The following HSD17B7 variants were observed in gnomAD, a reference collection of about 807,000 sequenced individuals.
The protein encoded by HSD17B7 is 3-keto-steroid reductase/17-beta-hydroxysteroid dehydrogenase 7.
HSD17B7 carries 17 observed loss-of-function variants against 34.1 expected under a neutral mutation model. The observed-to-expected ratio is 0.50, with a 90% CI of 0.34 to 0.75. The LOEUF is 0.75. Ranked by LOEUF, HSD17B7 falls within the 30% of genes least tolerant of loss-of-function variation. The probability of loss-of-function intolerance (pLI) is 0.01; values close to 1 mark genes in which losing one functional copy is unlikely to be tolerated. For synonymous variants in HSD17B7, 122 were observed against 154.6 expected, an observed-to-expected ratio of 0.79 and a Z score of 1.56; for missense variants, 296 against 406.6, an observed-to-expected ratio of 0.73 and a Z score of 2.34.
Position 162,794,308 on chromosome 1 carries a change from T to A in HSD17B7, c.239+1446T>A, listed in dbSNP as rs1260719564. 2.0e-5 allele frequency among the ~76,000 whole-genome samples: 3 copies of A among 152,238 alleles called. No homozygotes were observed. In the East Asian group the frequency reaches 5.8e-4, roughly 29 times the overall value. Reference sequence around the variant, plus strand: ...AAAAATACTTCACATTTTATGTGAATTGATAATCATTTGCATTTGCCTGTT... The same window carrying A: ...AAAAATACTTCACATTTTATGTGAAATGATAATCATTTGCATTTGCCTGTT... On this transcript the variant is annotated intron_variant, in intron 2 of 8. Transcript: ENST00000254521.
chr1:162,791,654 C>T (rs1415922341), intron 1 of HSD17B7, among the ~76,000 whole-genome samples: 4 of 148,828 alleles, frequency 2.7e-5, no homozygotes, highest in Admixed American at 1.3e-4. Context: ...TTTTAGCATA[C>T]CCTCTCAAGT....
Position 162,804,214 on chromosome 1 carries a change from T to C in HSD17B7, c.748-53T>C, listed in dbSNP as rs1648907348. On this transcript the variant is annotated intron_variant, in intron 6 of 8. Transcript: ENST00000254521. The stretch of plus-strand genomic sequence containing the variant: ...AAAAATATTTAAATGAATAATTCTT[T>C]CGTGACTCTATTCTAAACCACCAAA... 3 of 1,306,108 alleles carry C rather than the reference T, an allele frequency of 2.3e-6. No individual in the cohort carries two copies. In the Admixed American group the frequency reaches 5.9e-5, roughly 26 times the overall value. 80.9% of individuals were successfully genotyped at this position (1,306,108 alleles called of 1,614,324 possible). A position where few individuals can be genotyped will look rare whatever the true frequency, so the allele number is the denominator to read the frequency against.
At chr1:162,809,600 C>G (rs1649107842) in intron 8 of HSD17B7, among the ~76,000 whole-genome samples, 1 of 151,858 alleles carries the variant, frequency 6.6e-6, no homozygotes. Flanking sequence ...TGGTCCTGGG[C>G]TTTTTTTGGT....
chr1:162,803,154 C>T (rs1455395200), intron 5 of HSD17B7: 3 of 209,678 alleles, frequency 1.4e-5, no homozygotes, highest in African/African-American at 2.3e-5. Flanking sequence ...TCTCCCCCAG[C>T]GTTAAGATTG....
intron 3 of HSD17B7, 50 bp downstream of exon 3, chr1:162,796,727 T>C: frequency 1.7e-6 from 2 of 1,151,162 alleles, no homozygotes; most frequent in East Asian, 2.3e-5. Flanking sequence ...TGTTCATTTT[T>C]CTGCCTAGTT....
intron 2 of HSD17B7, among the ~76,000 whole-genome samples, chr1:162,793,224 G>A (rs1648479800): frequency 6.6e-6 from 1 of 152,042 alleles, no homozygotes; most frequent in South Asian, 2.1e-4. Flanking sequence ...TAGTAGAGAC[G>A]GGGTTTTACC....
intron 8 of HSD17B7, among the ~76,000 whole-genome samples, chr1:162,805,757 T>C (rs1364030086): frequency 1.3e-5 from 2 of 152,208 alleles, no homozygotes; most frequent in Non-Finnish European, 2.9e-5. Flanking sequence ...TTAGTGACCC[T>C]GTAGACCGGG....
At chr1:162,801,370 T>C (rs1012590356) in intron 5 of HSD17B7, among the ~76,000 whole-genome samples, 1 of 152,184 alleles carries the variant, frequency 6.6e-6, no homozygotes, top group African/African-American at 2.4e-5. Flanking sequence ...AATCTCCCTA[T>C]GCCTCAGTTT....
intron 8 of HSD17B7, among the ~76,000 whole-genome samples, chr1:162,807,346 G>C (rs1316089515): frequency 2.6e-5 from 4 of 152,148 alleles, no homozygotes; most frequent in African/African-American, 9.7e-5. Context: ...CTGTATATGT[G>C]CCACATTTTC....
Position 162,804,448 on chromosome 1 carries a change from G to T in HSD17B7, c.804+125G>T, listed in dbSNP as rs1297042977. On this transcript the variant is annotated intron_variant, in intron 7 of 8. Coordinates refer to ENST00000254521, the MANE Select transcript of HSD17B7 (RefSeq NM_016371.4). ...AGAATAAGCTCTGTGAATAATTGAGGTCCCGTTTGGAACTAAAGCGGACTA... is the reference window on the plus strand; with the variant it reads ...AGAATAAGCTCTGTGAATAATTGAGTTCCCGTTTGGAACTAAAGCGGACTA... 5 of 634,042 alleles carry T rather than the reference G, an allele frequency of 7.9e-6. No individual in the cohort carries two copies. In the East Asian group the frequency reaches 1.1e-4, roughly 14 times the overall value. 39.3% of individuals were successfully genotyped at this position (634,042 alleles called of 1,614,324 possible).
chr1:162,792,516 C>T lies in HSD17B7; in HGVS notation c.36-143C>T. 2.8e-6 allele frequency: 3 copies of T among 1,056,030 alleles called. No individual in the cohort carries two copies. The South Asian group carries it at 5.0e-5, about 18-fold the overall frequency. 65.4% of individuals were successfully genotyped at this position (1,056,030 alleles called of 1,614,324 possible). The stretch of plus-strand genomic sequence containing the variant: ...TATTGGAGTGTAGGATTCCTCCCTT[C>T]TTAAATAATTGTTGAGTCTTTTCTT... On this transcript the variant is annotated intron_variant, in intron 1 of 8. Transcript: ENST00000254521.
At chr1:162,809,827 A>T (rs1039035668) in intron 8 of HSD17B7, among the ~76,000 whole-genome samples, 1 of 150,828 alleles carries the variant, frequency 6.6e-6, no homozygotes, top group Non-Finnish European at 1.5e-5. Context: ...CGTCTATTTG[A>T]TTCTTCTCTC....
At chr1:162,800,481 C>A (rs1310075190) in intron 5 of HSD17B7, among the ~76,000 whole-genome samples, 1 of 152,216 alleles carries the variant, frequency 6.6e-6, no homozygotes, top group Non-Finnish European at 1.5e-5. Flanking sequence ...ATGAAACCTT[C>A]TGGATAGTGG....
intron 3 of HSD17B7, 122 bp downstream of exon 3, chr1:162,796,799 A>T (rs2102231222): frequency 1.5e-6 from 1 of 684,282 alleles, no homozygotes; most frequent in East Asian, 2.6e-5. Flanking sequence ...TTGAAGACAG[A>T]AAAAGGAGAT....
intron 3 of HSD17B7, 105 bp downstream of exon 3, chr1:162,796,782 GA>G: frequency 1.3e-6 from 1 of 749,058 alleles, no homozygotes; most frequent in Non-Finnish European, 2.4e-6. Context: ...AGGGGTTGTT[GA>G]AAAGGTTGAA....
chr1:162,795,610 A>G (rs1240093761), intron 2 of HSD17B7: 1 of 456,678 alleles, frequency 2.2e-6, no homozygotes. Context: ...TCATTTGTCA[A>G]TTATTTATAG....
At chr1:162,797,398 ATC>A (rs2102231596) in intron 3 of HSD17B7, 1 of 163,698 alleles carries the variant, frequency 6.1e-6, no homozygotes, top group African/African-American at 2.4e-5. Flanking sequence ...TAAAAAAACA[ATC>A]TGTTTAACTC....
chr1:162,795,491 G>A lies in HSD17B7; in HGVS notation c.240-1094G>A, dbSNP rs151290696. ...TCATAGATAAAAGTTGGCAAATAAG[G>A]TAATAGAACAAGCAACAATGGATGA... is the stretch of plus-strand genomic sequence containing the variant. On this transcript the variant is annotated intron_variant, in intron 2 of 8. Transcript: ENST00000254521. 1.7e-3 allele frequency: 564 copies of A among 340,864 alleles called. 2 individuals are homozygous for A. The highest frequency in any genetic ancestry group is 0.011 in the African/African-American group (536 of 46,966). The allele number at this position is 340,864 out of a possible 1,614,324, so 21.1% of individuals were successfully genotyped here.
chr1:162,810,173 G>T (rs1649127678), intron 8 of HSD17B7, among the ~76,000 whole-genome samples: 1 of 152,180 alleles, frequency 6.6e-6, no homozygotes, highest in African/African-American at 2.4e-5. Context: ...TGGTTTCAAA[G>T]AACATCTTTA....
Sources: allele counts gnomAD v4.1 joint callset (sites outside exome capture counted in the v4.1 genomes callset), GRCh38; gene constraint gnomAD v4.1.1; transcripts MANE v1.5; gene names NCBI Gene and HGNC (gene_info 2026-07-23, HGNC 2026-07-21).